ST18: variants seen among roughly 807,000 people sequenced by gnomAD.
The protein encoded by ST18 is suppression of tumorigenicity 18 protein.
ST18 carries 50 observed loss-of-function variants against 110.0 expected under a neutral mutation model. The observed-to-expected ratio is 0.45, with a 90% confidence interval of 0.36 to 0.58. The LOEUF is 0.58. Among genes scored for constraint, ST18 ranks in the 20% least tolerant of loss-of-function variants. The probability of loss-of-function intolerance (pLI) is 0.00; values close to 1 mark genes in which losing one functional copy is unlikely to be tolerated. For missense variants in ST18, 1,306 were observed against 1,280.1 expected (o/e 1.02, Z -0.31); for synonymous variants, 461 against 452.4 (o/e 1.02, Z -0.24).
chr8:52,292,595 T>C (rs570578092), intron 2 of ST18, among the ~76,000 whole-genome samples: 1 of 152,350 alleles, frequency 6.6e-6, no homozygotes, highest in Admixed American at 6.5e-5. Context: ...ATAAATAAGC[T>C]ACTGACACAC....
chr8:52,246,030 A>G (rs2093816991), intron 2 of ST18, among the ~76,000 whole-genome samples: 1 of 152,158 alleles, frequency 6.6e-6, no homozygotes, highest in Non-Finnish European at 1.5e-5. Flanking sequence ...AAACTAAAAG[A>G]GTAATACATT....
intron 2 of ST18, among the ~76,000 whole-genome samples, chr8:52,252,428 A>G (rs1459350053): frequency 6.6e-6 from 1 of 151,920 alleles, no homozygotes; most frequent in African/African-American, 2.4e-5. Context: ...GGTCACTTGC[A>G]GTTGTCTAAT....
chr8:52,253,415 T>C (rs2094411452), intron 2 of ST18, among the ~76,000 whole-genome samples: 2 of 152,136 alleles, frequency 1.3e-5, no homozygotes, highest in Admixed American at 6.6e-5. Flanking sequence ...TTATTTATTC[T>C]TTAACTTTCT....
At chr8:52,380,083 T>C (rs1833944591) in intron 2 of ST18, among the ~76,000 whole-genome samples, 1 of 152,100 alleles carries the variant, frequency 6.6e-6, no homozygotes, top group African/African-American at 2.4e-5. Flanking sequence ...CCCATACAAA[T>C]TATCACTAGT....
intron 8 of ST18, among the ~76,000 whole-genome samples, chr8:52,207,728 T>C (rs1294956446): frequency 2.0e-5 from 3 of 152,166 alleles, no homozygotes; most frequent in Admixed American, 1.3e-4. Context: ...GATTTGACTC[T>C]AATATACTTA....
chr8:52,282,532 A>C (rs2095400832), intron 2 of ST18, among the ~76,000 whole-genome samples: 1 of 152,184 alleles, frequency 6.6e-6, no homozygotes, highest in South Asian at 2.1e-4. Flanking sequence ...ACCAGGGGTG[A>C]GGAAGCTGGG....
intron 2 of ST18, among the ~76,000 whole-genome samples, chr8:52,314,424 C>G (rs563895545): frequency 6.6e-6 from 1 of 152,300 alleles, no homozygotes; most frequent in East Asian, 1.9e-4. Context: ...GCTGAGGTGT[C>G]TCACTGCCTC....
intron 2 of ST18, among the ~76,000 whole-genome samples, chr8:52,258,410 A>T (rs1163975268): frequency 1.3e-5 from 2 of 152,180 alleles, no homozygotes; most frequent in African/African-American, 2.4e-5. Flanking sequence ...ATCCATGAAC[A>T]TGTCTTTCCA....
At chr8:52,369,202 C>T (rs963132576) in intron 2 of ST18, among the ~76,000 whole-genome samples, 16 of 152,198 alleles carry the variant, frequency 1.1e-4, no homozygotes, top group African/African-American at 3.6e-4. Context: ...ACAAATTCTT[C>T]TTCTTTTTCT....
chr8:52,376,691 A>G (rs1174416196), intron 2 of ST18, among the ~76,000 whole-genome samples: 4 of 152,088 alleles, frequency 2.6e-5, no homozygotes, highest in Non-Finnish European at 5.9e-5. Flanking sequence ...GTGCATCCTA[A>G]GCACCTAGAA....
intron 22 of ST18, among the ~76,000 whole-genome samples, chr8:52,130,803 C>A (rs2049271616): frequency 6.6e-6 from 1 of 152,156 alleles, no homozygotes. Flanking sequence ...GGGATGTGCT[C>A]ACCACAGTAC....
intron 24 of ST18, among the ~76,000 whole-genome samples, chr8:52,117,454 A>G (rs1172368161): frequency 2.0e-5 from 3 of 152,124 alleles, no homozygotes; most frequent in Non-Finnish European, 4.4e-5. Flanking sequence ...TCCTCCTTCT[A>G]GACTATAAGT....
At chr8:52,263,277 T>G (rs1487888203) in intron 2 of ST18, among the ~76,000 whole-genome samples, 2 of 152,196 alleles carry the variant, frequency 1.3e-5, no homozygotes, top group Non-Finnish European at 2.9e-5. Flanking sequence ...GATATACAGA[T>G]AGCTCAAGAT....
intron 9 of ST18, among the ~76,000 whole-genome samples, chr8:52,173,403 C>T (rs1466944309): frequency 1.3e-5 from 2 of 152,158 alleles, no homozygotes; most frequent in African/African-American, 2.4e-5. Flanking sequence ...TGAAGGCACC[C>T]CGTGAGGAGC....
intron 2 of ST18, among the ~76,000 whole-genome samples, chr8:52,288,854 T>C (rs2095510822): frequency 6.6e-6 from 1 of 152,128 alleles, no homozygotes; most frequent in African/African-American, 2.4e-5. Context: ...GGATGGAATT[T>C]TGATAACAGC....
At chr8:52,302,267 A>G (rs2095737238) in intron 2 of ST18, among the ~76,000 whole-genome samples, 2 of 152,212 alleles carry the variant, frequency 1.3e-5, no homozygotes, top group Admixed American at 1.3e-4. Context: ...CAAATGTGGA[A>G]AGGGAGAAAA....
At chr8:52,371,726 G>A (rs918679310) in intron 2 of ST18, among the ~76,000 whole-genome samples, 2 of 152,142 alleles carry the variant, frequency 1.3e-5, no homozygotes, top group African/African-American at 4.8e-5. Flanking sequence ...CATACACACG[G>A]TGATCCCATA....
chr8:52,389,302 G>A (rs1284939999), intron 2 of ST18, among the ~76,000 whole-genome samples: 2 of 152,196 alleles, frequency 1.3e-5, no homozygotes, highest in African/African-American at 4.8e-5. Context: ...GGAGCCCGGT[G>A]AGGAGGCTAG....
Position 52,256,805 on chromosome 8 carries a change from C to T in ST18, c.-464-26728G>A, listed in dbSNP as rs547971996. On this transcript the variant is annotated intron_variant, in intron 2 of 25. Transcript: ENST00000689386. ...AGCTCTTTGGGACATAAATGACATA[C>T]CATACTATTCACCTATTTAAAATAT... 2.0e-4 allele frequency among the ~76,000 whole-genome samples: 30 copies of T among 152,232 alleles called. 1 individual carries two copies. The highest frequency in any genetic ancestry group is 3.4e-3 in the Middle Eastern group (1 of 294).
Sources: gnomAD v4.1 joint callset for allele counts (sites outside exome capture counted in the v4.1 genomes callset) on GRCh38, gnomAD v4.1.1 for gene constraint, MANE v1.5 for transcripts, NCBI Gene and HGNC (gene_info 2026-07-23, HGNC 2026-07-21) for gene names.